FSHR: variants seen among roughly 807,000 people sequenced by gnomAD.
The protein encoded by FSHR is follicle-stimulating hormone receptor.
A neutral mutation model predicts 52.1 loss-of-function variants in FSHR; 46 were observed. That is an observed-to-expected ratio of 0.88 (90% CI 0.70 to 1.13). FSHR has a LOEUF of 1.13. FSHR is among the 50% of genes most tolerant of loss of function. The pLI is 0.00. For synonymous variants in FSHR, 399 were observed against 309.6 expected, an observed-to-expected ratio of 1.29 and a Z score of -3.03; for missense variants, 964 against 834.6, an observed-to-expected ratio of 1.16 and a Z score of -1.91.
At chr2:49,003,441 C>G (rs980744293) in intron 4 of FSHR, among the ~76,000 whole-genome samples, 1 of 152,120 alleles carries the variant, frequency 6.6e-6, no homozygotes. Flanking sequence ...ACTTGTGAGT[C>G]CCTGGATGCA....
At chr2:49,118,287 A>G (rs1185108322) in intron 1 of FSHR, among the ~76,000 whole-genome samples, 1 of 152,130 alleles carries the variant, frequency 6.6e-6, no homozygotes, top group Non-Finnish European at 1.5e-5. Flanking sequence ...AGACACAGCC[A>G]AGGCAAGAGG....
intron 1 of FSHR, among the ~76,000 whole-genome samples, chr2:49,093,994 T>C (rs1670720223): frequency 6.6e-6 from 1 of 152,202 alleles, no homozygotes; most frequent in East Asian, 1.9e-4. Context: ...CATTTACACA[T>C]AATTATTAAT....
intron 2 of FSHR, among the ~76,000 whole-genome samples, chr2:49,043,443 C>T (rs1442902631): frequency 6.6e-6 from 1 of 152,142 alleles, no homozygotes; most frequent in Admixed American, 6.5e-5. Context: ...TAAATGGGCA[C>T]ATATAAATCT....
chr2:49,106,621 A>G (rs1395470543), intron 1 of FSHR, among the ~76,000 whole-genome samples: 1 of 152,166 alleles, frequency 6.6e-6, no homozygotes, highest in African/African-American at 2.4e-5. Flanking sequence ...ATTCAACCAA[A>G]CTGCAGGCTC....
intron 2 of FSHR, among the ~76,000 whole-genome samples, chr2:49,026,201 A>G (rs913760207): frequency 2.0e-5 from 3 of 152,254 alleles, no homozygotes; most frequent in Non-Finnish European, 4.4e-5. Context: ...TTTGAATTAA[A>G]TGCACTTGGT....
Position 49,117,666 on chromosome 2 carries a change from A to G in FSHR, c.152+36600T>C, listed in dbSNP as rs186843775. ...TCAAAAGCCCAGTAACTGTGTACCA[A>G]TAAGTTAGGTTAAGTATAGCAGGAC... On this transcript the variant is annotated intron_variant, in intron 1 of 9. Coordinates refer to ENST00000406846, the MANE Select transcript of FSHR (RefSeq NM_000145.4). 3.9e-5 allele frequency among the ~76,000 whole-genome samples: 6 copies of G among 152,316 alleles called. No homozygotes were observed. The East Asian group carries it at 1.2e-3, about 29-fold the overall frequency.
rs1672084062 is a variant in FSHR, at chr2:49,127,815, T to TTCC, written c.152+26450_152+26451insGGA. ...CTTCTTCTTCTTCTTCTTCTTCTTC[T>TTCC]TCTTCTTCTTCTTCCTCTTCTTCTT... On this transcript the variant is annotated intron_variant, in intron 1 of 9. Coordinates refer to ENST00000406846, the MANE Select transcript of FSHR (RefSeq NM_000145.4). Among the ~76,000 whole-genome samples, 2 of 61,050 alleles carry TTCC rather than the reference T, an allele frequency of 3.3e-5. 1 individual carries two copies. Among genetic ancestry groups the TTCC allele is most frequent in the Non-Finnish European group, 5.9e-5 (2 of 33,738 alleles). The allele number at this position is 61,050 out of a possible 152,430, so 40.1% of individuals were successfully genotyped here. A position where few individuals can be genotyped will look rare whatever the true frequency, so the allele number is the denominator to read the frequency against.
intron 1 of FSHR, among the ~76,000 whole-genome samples, chr2:49,088,621 G>A (rs1670487666): frequency 6.6e-6 from 1 of 152,144 alleles, no homozygotes; most frequent in African/African-American, 2.4e-5. Context: ...GGTGCCCTCA[G>A]TTAATATCCA....
chr2:48,975,310 T>A (rs1044694403), intron 8 of FSHR, among the ~76,000 whole-genome samples: 5 of 151,638 alleles, frequency 3.3e-5, no homozygotes, highest in African/African-American at 1.2e-4. Context: ...CCCCCTTGGA[T>A]TCTCAGGACT....
intron 2 of FSHR, among the ~76,000 whole-genome samples, chr2:49,061,252 G>A (rs1050972380): frequency 2.0e-5 from 3 of 152,040 alleles, no homozygotes; most frequent in Non-Finnish European, 4.4e-5. Context: ...ATAAGCCTGG[G>A]ACCCTGCCCC....
chr2:49,020,645 G>T (rs1667657907), intron 2 of FSHR, among the ~76,000 whole-genome samples: 1 of 151,956 alleles, frequency 6.6e-6, no homozygotes, highest in Non-Finnish European at 1.5e-5. Flanking sequence ...ATTAGCCTGT[G>T]TTCCAATAAA....
chr2:49,097,763 G>T (rs1670879880), intron 1 of FSHR, among the ~76,000 whole-genome samples: 1 of 152,164 alleles, frequency 6.6e-6, no homozygotes, highest in Non-Finnish European at 1.5e-5. Flanking sequence ...AAGGAAACTA[G>T]AAAAGTAAGT....
At chr2:49,066,955 T>C (rs1375986574) in intron 2 of FSHR, among the ~76,000 whole-genome samples, 1 of 152,042 alleles carries the variant, frequency 6.6e-6, no homozygotes, top group Non-Finnish European at 1.5e-5. Context: ...CTCCCTGGTT[T>C]CCTTTGTGAA....
At chr2:49,150,863 G>T (rs547359272) in intron 1 of FSHR, among the ~76,000 whole-genome samples, 7 of 151,938 alleles carry the variant, frequency 4.6e-5, no homozygotes, top group Non-Finnish European at 8.8e-5. Context: ...GCCAAATTTG[G>T]CTTGCCCCAT....
chr2:49,144,488 A>G (rs1284361482), intron 1 of FSHR, among the ~76,000 whole-genome samples: 2 of 152,160 alleles, frequency 1.3e-5, no homozygotes, highest in African/African-American at 2.4e-5. Context: ...TTTCACAATC[A>G]GGGGCATGAT....
chr2:48,963,090 G>A lies in FSHR; in HGVS notation c.1731C>T (p.Leu577=). Residue 577 remains leucine, a synonymous_variant, in exon 10 of 10, where the codon CTC becomes CTT. Transcript: ENST00000406846. ...CCATGCAGAGGAAGTCAGTGAAGAT[G>A]AGCATGGCCATGCGCTTGGCGATCC... is the stretch of plus-strand genomic sequence containing the variant. The part of the protein sequence containing the change: ...DTRIAKRMAM[L]IFTDFLCMAP... The A allele has an allele frequency of 6.2e-7, 1 of 1,614,104 alleles. No individual in the cohort carries two copies. Among genetic ancestry groups the A allele is most frequent in the Non-Finnish European group, 8.5e-7 (1 of 1,180,008 alleles).
chr2:49,128,492 G>GA lies in FSHR; in HGVS notation c.152+25773dup, dbSNP rs34017410. Among the ~76,000 whole-genome samples, 152 of 147,464 alleles carry GA rather than the reference G, an allele frequency of 1.0e-3. 1 individual carries two copies. The South Asian group carries it at 0.023, about 22-fold the overall frequency. The stretch of plus-strand genomic sequence containing the variant: ...AAACCTTACAGTGAGCTGTGGCCTG[G>GA]AAAAAAAAAAATGCTAACACCTACA... On this transcript the variant is annotated intron_variant, in intron 1 of 9. Coordinates refer to ENST00000406846, the MANE Select transcript of FSHR (RefSeq NM_000145.4).
At chr2:49,085,756 C>T (rs1163700519) in intron 1 of FSHR, among the ~76,000 whole-genome samples, 1 of 152,134 alleles carries the variant, frequency 6.6e-6, no homozygotes, top group Non-Finnish European at 1.5e-5. Flanking sequence ...AAATGTGGCA[C>T]ATATACACCA....
chr2:49,088,683 T>C (rs1411792752), intron 1 of FSHR, among the ~76,000 whole-genome samples: 1 of 152,178 alleles, frequency 6.6e-6, no homozygotes, highest in African/African-American at 2.4e-5. Flanking sequence ...GATGCAATAA[T>C]GTGAGGTGAC....
Sources: gnomAD v4.1 joint callset for allele counts (sites outside exome capture counted in the v4.1 genomes callset) on GRCh38, gnomAD v4.1.1 for gene constraint, MANE v1.5 for transcripts, NCBI Gene and HGNC (gene_info 2026-07-23, HGNC 2026-07-21) for gene names.